CNTFR: variants seen among roughly 807,000 people sequenced by gnomAD.
CNTFR encodes ciliary neurotrophic factor receptor subunit alpha.
In CNTFR, 12 loss-of-function variants were observed where a neutral mutation model predicts 40.4. That is an observed-to-expected ratio of 0.30 (90% CI 0.19 to 0.48). The LOEUF (loss-of-function observed/expected upper bound fraction) is 0.48. Ranked by LOEUF, CNTFR falls within the 20% of genes least tolerant of loss-of-function variation. The probability of loss-of-function intolerance (pLI) is 0.99; values close to 1 mark genes in which losing one functional copy is unlikely to be tolerated. For synonymous variants in CNTFR, 202 were observed against 209.6 expected (o/e 0.96, Z 0.31); for missense variants, 414 against 506.8 (o/e 0.82, Z 1.76).
chr9:34,562,204 C>T (rs2132150904), intron 4 of CNTFR, among the ~76,000 whole-genome samples: 1 of 152,300 alleles, frequency 6.6e-6, no homozygotes, highest in East Asian at 1.9e-4. Flanking sequence ...TGGGTTCATC[C>T]TTTTTCCATG....
intron 6 of CNTFR, among the ~76,000 whole-genome samples, chr9:34,556,996 G>T (rs1436490733): frequency 6.6e-6 from 1 of 152,096 alleles, no homozygotes; most frequent in Non-Finnish European, 1.5e-5. Flanking sequence ...ATGGGGTCTG[G>T]GGAGAAGACA....
chr9:34,566,468 CT>C (rs1265202910), intron 3 of CNTFR, among the ~76,000 whole-genome samples: 1 of 152,182 alleles, frequency 6.6e-6, no homozygotes, highest in East Asian at 1.9e-4. Flanking sequence ...GGGCCTCCCC[CT>C]GACCAGAGGC....
intron 2 of CNTFR, among the ~76,000 whole-genome samples, chr9:34,574,402 T>C (rs1029830547): frequency 2.0e-5 from 3 of 152,186 alleles, no homozygotes; most frequent in South Asian, 2.1e-4. Context: ...TCAAGTGGCA[T>C]AGGGCTCCAA....
chr9:34,552,058 T>G lies in CNTFR; in HGVS notation c.*13A>C. On this transcript the variant is annotated 3_prime_UTR_variant, in exon 10 of 10. Transcript: ENST00000378980. The surrounding 1 kb of genome is among the most constrained non-coding windows in gnomAD (Gnocchi z 5.1). ...TCTGCAGGTGCTCTGCATGTCCTCA[T>G]GGGGTGCCGGGCTCTGTAGAGACAG... is the stretch of plus-strand genomic sequence containing the variant. 7.0e-7 allele frequency: 1 copy of G among 1,437,528 alleles called. No homozygotes were observed. Among genetic ancestry groups the G allele is most frequent in the Non-Finnish European group, 9.7e-7 (1 of 1,026,248 alleles). 89.0% of individuals were successfully genotyped at this position (1,437,528 alleles called of 1,614,324 possible). A position where few individuals can be genotyped will look rare whatever the true frequency, so the allele number is the denominator to read the frequency against.
At chr9:34,565,967 C>G (rs903341443) in intron 3 of CNTFR, among the ~76,000 whole-genome samples, 1 of 152,046 alleles carries the variant, frequency 6.6e-6, no homozygotes, top group African/African-American at 2.4e-5. Flanking sequence ...GCTGCGGGAT[C>G]CCTCGTTAAC....
chr9:34,582,230 G>T (rs1292274825), intron 1 of CNTFR: 4 of 146,498 alleles, frequency 2.7e-5, no homozygotes, highest in African/African-American at 1.0e-4. Context: ...AGCCAAGATT[G>T]AGCCACTGCA....
intron 2 of CNTFR, among the ~76,000 whole-genome samples, chr9:34,576,943 G>A (rs775509112): frequency 2.0e-5 from 3 of 152,226 alleles, no homozygotes; most frequent in Non-Finnish European, 2.9e-5. Context: ...AAGGGCAGGA[G>A]AAGGGAAGGA....
In CNTFR at chr9:34,551,887, A is replaced by T. The variant is rs1049085047; in HGVS notation, c.*184T>A. 1.3e-5 allele frequency: 9 copies of T among 694,254 alleles called. No individual in the cohort carries two copies. Among genetic ancestry groups the T allele is most frequent in the Non-Finnish European group, 1.8e-5 (7 of 379,184 alleles). 43.0% of individuals were successfully genotyped at this position (694,254 alleles called of 1,614,324 possible). A position where few individuals can be genotyped will look rare whatever the true frequency, so the allele number is the denominator to read the frequency against. On this transcript the variant is annotated 3_prime_UTR_variant, in exon 10 of 10. Transcript: ENST00000378980. ...CTCCCCTGAGGGAGGAAGGAGGGCC[A>T]GCTTGGTGCGGCAGGGCTGGGGGGC...
intron 3 of CNTFR, among the ~76,000 whole-genome samples, chr9:34,565,227 C>T (rs1826233210): frequency 6.6e-6 from 1 of 152,036 alleles, no homozygotes; most frequent in South Asian, 2.1e-4. Flanking sequence ...TCTTGCCACC[C>T]ACAGGCCCAG....
At position 34,564,822 on chromosome 9, in the gene CNTFR, A is replaced by G. The variant is rs543401037; in HGVS notation, c.96T>C (p.His32=). ...CAGAGCCCAGGCGCTCGTACTGCAC[A>G]TGGGGTGCCTCTGTGGGGGGTGGGG... is the stretch of plus-strand genomic sequence containing the variant. ...AQRHSPQEAP[H]VQYERLGSDV... The change falls in exon 4 of 10, where the codon CAT becomes CAC. Residue 32 remains histidine, a synonymous_variant. Coordinates refer to ENST00000378980, the MANE Select transcript of CNTFR (RefSeq NM_147164.3). 3.1e-6 allele frequency: 5 copies of G among 1,613,200 alleles called. No individual in the cohort carries two copies. In the African/African-American group the frequency reaches 5.3e-5, roughly 17 times the overall value.
rs553165641 is a variant in CNTFR, at chr9:34,571,894, G to A, written c.1-2913C>T. Among the ~76,000 whole-genome samples, 8 of 152,122 alleles carry A rather than the reference G, an allele frequency of 5.3e-5. No individual in the cohort carries two copies. In the East Asian group the frequency reaches 1.5e-3, roughly 29 times the overall value. On this transcript the variant is annotated intron_variant, in intron 2 of 9. Transcript: ENST00000378980. ...AGGAAGAAATAGAAGAGACGCAGGG[G>A]AAAAGATGGGGCATATAGGAGATGG...
intron 3 of CNTFR, among the ~76,000 whole-genome samples, chr9:34,566,867 A>G (rs1564065291): frequency 6.6e-6 from 1 of 152,198 alleles, no homozygotes. Flanking sequence ...TGCTGCACAA[A>G]AAAAGTAGAA....
intron 7 of CNTFR, 133 bp downstream of exon 7, chr9:34,556,122 G>A: frequency 9.6e-7 from 1 of 1,036,944 alleles, no homozygotes; most frequent in East Asian, 2.6e-5. Context: ...AGGCCCACCT[G>A]TCCCTTTTCC....
intron 1 of CNTFR, among the ~76,000 whole-genome samples, chr9:34,586,454 G>A (rs912791739): frequency 1.3e-5 from 2 of 152,110 alleles, no homozygotes. Context: ...CAACACCCTG[G>A]AGCAGTCGCA....
At chr9:34,568,815 G>A in intron 3 of CNTFR, 82 bp downstream of exon 3, 11 of 1,248,282 alleles carry the variant, frequency 8.8e-6, no homozygotes, top group Non-Finnish European at 1.3e-5. Context: ...CTCTTGGGTA[G>A]TGTCAGGATG....
rs1825888464 is a variant in CNTFR at position 34,557,351 on chromosome 9, CA to C, written c.604+174del. Among the ~76,000 whole-genome samples, 1 of 152,190 alleles carries C rather than the reference CA, an allele frequency of 6.6e-6. No individual in the cohort carries two copies. The highest frequency in any genetic ancestry group is 2.4e-5 in the African/African-American group (1 of 41,436). ...TAAAGGACATTCACTTACACGTTCA[CA>C]GGTGTATATGTCATGCATATATGTG... is the stretch of plus-strand genomic sequence containing the variant. On this transcript the variant is annotated intron_variant, in intron 6 of 9. Coordinates refer to ENST00000378980, the MANE Select transcript of CNTFR (RefSeq NM_147164.3). The surrounding 1 kb of genome is among the most constrained non-coding windows in gnomAD (Gnocchi z 4.2).
intron 2 of CNTFR, among the ~76,000 whole-genome samples, chr9:34,571,089 T>G (rs1826597878): frequency 6.6e-6 from 1 of 152,152 alleles, no homozygotes; most frequent in Non-Finnish European, 1.5e-5. Context: ...GCCTGGCTCC[T>G]TCTGACCCTC....
intron 4 of CNTFR, among the ~76,000 whole-genome samples, chr9:34,564,388 G>A (rs1826191338): frequency 6.6e-6 from 1 of 152,228 alleles, no homozygotes; most frequent in African/African-American, 2.4e-5. Context: ...GGGGTGGGAT[G>A]TGTGGGCAAA....
chr9:34,589,081 G>A lies in CNTFR; in HGVS notation c.-112+474C>T, dbSNP rs1195072336. Among the ~76,000 whole-genome samples the A allele has an allele frequency of 6.6e-6, 1 of 152,078 alleles. No homozygotes were observed. The highest frequency in any genetic ancestry group is 1.5e-5 in the Non-Finnish European group (1 of 67,990). The stretch of plus-strand genomic sequence containing the variant: ...TGCACACACACACGCGCGCGCGGGC[G>A]CGCGGATTCACACGGACACACATGC... On this transcript the variant is annotated intron_variant, in intron 1 of 9. Transcript: ENST00000378980. This position sits in a 1 kb window ranked among gnomAD's most constrained non-coding sequence, Gnocchi z 4.4.
Sources: allele counts gnomAD v4.1 joint callset (sites outside exome capture counted in the v4.1 genomes callset), GRCh38; gene constraint gnomAD v4.1.1; non-coding constraint Gnocchi (gnomAD v3.1); transcripts MANE v1.5; gene names NCBI Gene and HGNC (gene_info 2026-07-23, HGNC 2026-07-21).